Variants in OCA2 observed in about 807,000 individuals in gnomAD.
OCA2 encodes P protein.
Under a neutral mutation model 100.2 loss-of-function variants are expected in OCA2, and 77 were observed. The observed-to-expected ratio is 0.77, with a 90% CI of 0.64 to 0.93. The LOEUF (loss-of-function observed/expected upper bound fraction) is 0.93, where lower values mean the gene tolerates loss of function less well. OCA2 is among the 40% of genes least tolerant of loss of function. OCA2 has a pLI of 0.00. For missense variants in OCA2, 1,062 were observed against 1,089.1 expected (o/e 0.98, Z 0.35); for synonymous variants, 432 against 439.2 (o/e 0.98, Z 0.21).
At chr15:27,860,073 A>G (rs1487977868) in intron 21 of OCA2, among the ~76,000 whole-genome samples, 1 of 152,230 alleles carries the variant, frequency 6.6e-6, no homozygotes, top group Non-Finnish European at 1.5e-5. Context: ...TAAGCAGCTC[A>G]AAAGAATAAT....
intron 1 of OCA2, among the ~76,000 whole-genome samples, chr15:28,083,035 G>A (rs977582829): frequency 6.6e-6 from 1 of 152,232 alleles, no homozygotes; most frequent in African/African-American, 2.4e-5. Flanking sequence ...GACTGACTGT[G>A]CACTTTGGCC....
Position 27,957,235 on chromosome 15 carries a change from T to C in OCA2, c.1784+353A>G, listed in dbSNP as rs2040252035. Among the ~76,000 whole-genome samples the C allele has an allele frequency of 6.6e-6, 1 of 152,194 alleles. No homozygotes were observed. Among genetic ancestry groups the C allele is most frequent in the African/African-American group, 2.4e-5 (1 of 41,450 alleles). On this transcript the variant is annotated intron_variant, in intron 16 of 23. Coordinates refer to ENST00000354638, the MANE Select transcript of OCA2 (RefSeq NM_000275.3). The surrounding 1 kb of genome is among the most constrained non-coding windows in gnomAD (Gnocchi z 4.3). ...TTTGTCAAATTAGTCTTTGCATTAA[T>C]GGTTTTTGGTTTTTGTCGTGCAACA...
chr15:27,862,773 C>T (rs1416960656), intron 21 of OCA2, among the ~76,000 whole-genome samples: 1 of 152,186 alleles, frequency 6.6e-6, no homozygotes, highest in Non-Finnish European at 1.5e-5. Flanking sequence ...CCGTACCCAG[C>T]CTCCTCAGAC....
Position 27,903,501 on chromosome 15 carries a change from TTG to T in OCA2, c.2079+22624_2079+22625del, listed in dbSNP as rs542294090. Among the ~76,000 whole-genome samples the T allele has an allele frequency of 8.1e-3, 1,228 of 152,314 alleles. 13 individuals are homozygous for T. The highest frequency in any genetic ancestry group is 0.011 in the Non-Finnish European group (743 of 68,014). On this transcript the variant is annotated intron_variant, in intron 19 of 23. Transcript: ENST00000354638. ...TTTTTGTTTTGTTTTTGTTGTTGTT[TTG>T]TTGAGATGGAGTCTTGCTCTGTTGC...
intron 3 of OCA2, 106 bp from the exon 4 acceptor site, chr15:28,028,165 G>A: frequency 9.3e-6 from 12 of 1,289,800 alleles, no homozygotes. Flanking sequence ...ATCAACCCTG[G>A]TCTTTCAAAG....
intron 9 of OCA2, among the ~76,000 whole-genome samples, chr15:28,000,631 A>G (rs937654504): frequency 2.6e-5 from 4 of 152,184 alleles, no homozygotes; most frequent in African/African-American, 9.6e-5. Flanking sequence ...ATCAAATTAA[A>G]AAGCTTTTGC....
chr15:27,898,433 C>T (rs2037797521), intron 19 of OCA2, among the ~76,000 whole-genome samples: 1 of 152,166 alleles, frequency 6.6e-6, no homozygotes, highest in South Asian at 2.1e-4. Flanking sequence ...GTTGTAAAAA[C>T]AGGAGTTTTC....
At chr15:27,900,987 C>A (rs1458184347) in intron 19 of OCA2, among the ~76,000 whole-genome samples, 1 of 152,202 alleles carries the variant, frequency 6.6e-6, no homozygotes, top group African/African-American at 2.4e-5. Flanking sequence ...ACTTCAGAAT[C>A]AGCTCTGGAA....
intron 14 of OCA2, among the ~76,000 whole-genome samples, chr15:27,970,106 G>A (rs2040720304): frequency 6.6e-6 from 1 of 151,962 alleles, no homozygotes; most frequent in Non-Finnish European, 1.5e-5. Flanking sequence ...TAGGTGCAGG[G>A]GTCCTGGCAC....
intron 23 of OCA2, among the ~76,000 whole-genome samples, chr15:27,783,706 A>G (rs2032661024): frequency 6.6e-6 from 1 of 152,238 alleles, no homozygotes; most frequent in Non-Finnish European, 1.5e-5. Flanking sequence ...TAAAAGAAGA[A>G]TTTACACTCC....
rs563558667 is a variant in OCA2, at chr15:27,756,809, G to C, written c.2433-1337C>G. Among the ~76,000 whole-genome samples, 9 of 152,290 alleles carry C rather than the reference G, an allele frequency of 5.9e-5. No homozygotes were observed. The East Asian group carries it at 1.4e-3, about 23-fold the overall frequency. On this transcript the variant is annotated intron_variant, in intron 23 of 23. Transcript: ENST00000354638. ...TTTAGAAGCAAATTTGCCTGCCAAG[G>C]GGTGAATTCCACAAAAAGCAGACCT...
rs74647877 is a variant in OCA2, at chr15:27,900,522, C to T, written c.2079+25605G>A. Reference sequence around the variant, plus strand: ...TTTTCTTTTGCAATACTCTATGCTGCACTTCTTTTGCTATGTGTCTCTTGT... The same window carrying T: ...TTTTCTTTTGCAATACTCTATGCTGTACTTCTTTTGCTATGTGTCTCTTGT... On this transcript the variant is annotated intron_variant, in intron 19 of 23. Transcript: ENST00000354638. Among the ~76,000 whole-genome samples the T allele has an allele frequency of 3.4e-3, 513 of 152,302 alleles. 2 individuals are homozygous for T. Among genetic ancestry groups the T allele is most frequent in the African/African-American group, 0.012 (496 of 41,556 alleles).
chr15:27,841,543 A>G lies in OCA2; in HGVS notation c.2432+3416T>C, dbSNP rs369262858. ...GAAAAAGTTTTAAAAAATTAATGAA[A>G]GCAAAAAGTATAGATAAAAATGGAG... On this transcript the variant is annotated intron_variant, in intron 23 of 23. Coordinates refer to ENST00000354638, the MANE Select transcript of OCA2 (RefSeq NM_000275.3). Among the ~76,000 whole-genome samples the G allele has an allele frequency of 7.2e-5, 11 of 152,354 alleles. No homozygotes were observed. The East Asian group carries it at 1.9e-3, about 27-fold the overall frequency.
chr15:27,813,419 TAC>T (rs370741465), intron 23 of OCA2, among the ~76,000 whole-genome samples: 5 of 150,810 alleles, frequency 3.3e-5, no homozygotes, highest in African/African-American at 7.3e-5. Context: ...CATTCACACA[TAC>T]ACACACACAC....
chr15:27,753,606 G>A (rs150915640), downstream of OCA2, among the ~76,000 whole-genome samples: 1,074 of 152,040 alleles, frequency 7.1e-3, 13 homozygotes, highest in African/African-American at 0.025. Context: ...GCGTGGTGGC[G>A]GGTGCATGTA....
At chr15:27,738,428 T>C in the OCA2 span, among the ~76,000 whole-genome samples, 3 of 152,190 alleles carry the variant, frequency 2.0e-5, no homozygotes, top group Admixed American at 6.5e-5. Context: ...CACGATGCGC[T>C]TCCACTTATA....
intron 23 of OCA2, among the ~76,000 whole-genome samples, chr15:27,786,875 A>G (rs1301560837): frequency 6.6e-6 from 1 of 152,118 alleles, no homozygotes; most frequent in East Asian, 1.9e-4. Flanking sequence ...CCGAGGGAAA[A>G]CATTCATTCT....
chr15:27,808,851 C>T (rs1225626764), intron 23 of OCA2, among the ~76,000 whole-genome samples: 1 of 152,156 alleles, frequency 6.6e-6, no homozygotes, highest in East Asian at 1.9e-4. Flanking sequence ...ATGTGTTGGC[C>T]ACATCCCAGG....
intron 21 of OCA2, among the ~76,000 whole-genome samples, chr15:27,863,987 G>A (rs1039964637): frequency 6.6e-6 from 1 of 152,122 alleles, no homozygotes; most frequent in African/African-American, 2.4e-5. Flanking sequence ...TTCACGGGGT[G>A]CCATGGAGCT....
Sources: gnomAD v4.1 joint callset for allele counts (sites outside exome capture counted in the v4.1 genomes callset) on GRCh38, gnomAD v4.1.1 for gene constraint, Gnocchi (gnomAD v3.1) non-coding constraint, MANE v1.5 for transcripts, NCBI Gene and HGNC (gene_info 2026-07-23, HGNC 2026-07-21) for gene names.